The following DCDC2C variants were observed in gnomAD, a reference collection of about 807,000 sequenced individuals.
DCDC2C encodes doublecortin domain containing 2C, also known as doublecortin domain-containing protein 2C.
Under a neutral mutation model 45.0 loss-of-function variants are expected in DCDC2C, and 44 were observed. The ratio of observed to expected loss-of-function variants is 0.98; its 90% confidence interval spans 0.77 to 1.26. The LOEUF is 1.26. Among genes scored for constraint, DCDC2C ranks in the 50% most tolerant of loss-of-function variants. The pLI, the probability that DCDC2C is intolerant of heterozygous loss-of-function variation, is 0.00. For synonymous variants in DCDC2C, 187 were observed against 178.8 expected, an observed-to-expected ratio of 1.05 and a Z score of -0.37; for missense variants, 447 against 468.9, an observed-to-expected ratio of 0.95 and a Z score of 0.43.
At chr2:3,762,564 G>C (rs1213674051) in intron 6 of DCDC2C, among the ~76,000 whole-genome samples, 1 of 152,044 alleles carries the variant, frequency 6.6e-6, no homozygotes, top group African/African-American at 2.4e-5. Flanking sequence ...TGTCTCACAT[G>C]GCAAACACAG....
intron 6 of DCDC2C, among the ~76,000 whole-genome samples, chr2:3,764,301 G>A (rs992931239): frequency 8.5e-5 from 13 of 152,154 alleles, no homozygotes; most frequent in East Asian, 1.9e-4. Flanking sequence ...GTTAGATTAC[G>A]TTTTCCCTTT....
intron 10 of DCDC2C, among the ~76,000 whole-genome samples, chr2:3,813,360 C>A (rs1284779595): frequency 6.6e-6 from 1 of 152,084 alleles, no homozygotes; most frequent in Non-Finnish European, 1.5e-5. Flanking sequence ...AGCCACCAGG[C>A]CTGGCCAAAG....
At chr2:3,707,254 G>GT (rs1311491637) in intron 1 of DCDC2C, among the ~76,000 whole-genome samples, 1 of 151,990 alleles carries the variant, frequency 6.6e-6, no homozygotes, top group African/African-American at 2.4e-5. Context: ...AGTATTTTGT[G>GT]TTTTTGTAGG....
intron 4 of DCDC2C, among the ~76,000 whole-genome samples, chr2:3,746,061 G>A (rs1669351649): frequency 6.6e-6 from 1 of 152,168 alleles, no homozygotes; most frequent in African/African-American, 2.4e-5. Flanking sequence ...GCTGATCTCG[G>A]TTGGAAAAAG....
At position 3,752,905 on chromosome 2, in the gene DCDC2C, G is replaced by A. The variant is rs1266350587; in HGVS notation, c.683+5G>A. 9 of 1,549,990 alleles carry A rather than the reference G, an allele frequency of 5.8e-6. No homozygotes were observed. The highest frequency in any genetic ancestry group is 7.8e-6 in the Non-Finnish European group (9 of 1,146,770). ...GGTGCCCAGTGAGGTCCAACAGTGA[G>A]CATGCTTCGTACCTTTCTTTCCTGA... On this transcript the variant is annotated splice_donor_5th_base_variant and intron_variant, in intron 5 of 10. Transcript: ENST00000399143.
chr2:3,775,968 G>T (rs891923759), intron 8 of DCDC2C, among the ~76,000 whole-genome samples: 1 of 140,146 alleles, frequency 7.1e-6, no homozygotes, highest in Non-Finnish European at 1.6e-5. Flanking sequence ...GGCAGCTGTC[G>T]CTGTGGGCTA....
At chr2:3,789,951 T>A (rs770299368) in intron 10 of DCDC2C, among the ~76,000 whole-genome samples, 9 of 152,242 alleles carry the variant, frequency 5.9e-5, no homozygotes, top group Non-Finnish European at 1.2e-4. Context: ...ATTAACGTTG[T>A]GTGCTGTTGC....
intron 10 of DCDC2C, among the ~76,000 whole-genome samples, chr2:3,815,180 G>A (rs1572637464): frequency 6.6e-6 from 1 of 152,216 alleles, no homozygotes. Flanking sequence ...TCACAAGTGG[G>A]ATCTTCTGAT....
At chr2:3,821,766 G>A (rs886095934) in intron 10 of DCDC2C, among the ~76,000 whole-genome samples, 24 of 152,368 alleles carry the variant, frequency 1.6e-4, no homozygotes, top group African/African-American at 5.8e-4. Context: ...TTTATCCAAG[G>A]AGGCCTGGTT....
At chr2:3,764,498 G>A (rs1175155818) in intron 6 of DCDC2C, among the ~76,000 whole-genome samples, 1 of 152,232 alleles carries the variant, frequency 6.6e-6, no homozygotes, top group Non-Finnish European at 1.5e-5. Flanking sequence ...GGAGGAAAGA[G>A]CATATTTGTA....
At position 3,713,396 on chromosome 2, in the gene DCDC2C, G is replaced by A. The variant is rs143596612; in HGVS notation, c.339+4796G>A. Reference sequence around the variant, plus strand: ...TCTCCATGATCCATGCGAGGGGCTGGGGGAGCTTCCATAGGAAGAGCACCA... The same window carrying A: ...TCTCCATGATCCATGCGAGGGGCTGAGGGAGCTTCCATAGGAAGAGCACCA... On this transcript the variant is annotated intron_variant, in intron 2 of 10. Transcript: ENST00000399143. Among the ~76,000 whole-genome samples, 317 of 152,246 alleles carry A rather than the reference G, an allele frequency of 2.1e-3. 1 individual carries two copies. The highest frequency in any genetic ancestry group is 7.1e-3 in the African/African-American group (294 of 41,544).
chr2:3,745,876 ATTTTT>A (rs200784470), intron 4 of DCDC2C, among the ~76,000 whole-genome samples: 2 of 142,152 alleles, frequency 1.4e-5, no homozygotes. Context: ...CTCATGACTA[ATTTTT>A]TTTTTTTTTT....
chr2:3,794,457 T>C (rs2148193827), intron 10 of DCDC2C, among the ~76,000 whole-genome samples: 1 of 152,326 alleles, frequency 6.6e-6, no homozygotes, highest in South Asian at 2.1e-4. Context: ...GCTGGTGCGC[T>C]GCACCCATTA....
At chr2:3,766,310 GCACACACACA>G (rs61471003) in intron 6 of DCDC2C, among the ~76,000 whole-genome samples, 269 of 146,150 alleles carry the variant, frequency 1.8e-3, no homozygotes, top group African/African-American at 6.3e-3. Context: ...ACACACACAC[GCACACACACA>G]CACACACACA....
intron 10 of DCDC2C, among the ~76,000 whole-genome samples, chr2:3,841,026 G>A (rs1337307679): frequency 3.3e-5 from 5 of 152,218 alleles, no homozygotes; most frequent in Admixed American, 2.6e-4. Flanking sequence ...AGATTTTGGC[G>A]TACCGTACGG....
At chr2:3,836,046 A>G (rs1188613416) in intron 10 of DCDC2C, among the ~76,000 whole-genome samples, 1 of 152,108 alleles carries the variant, frequency 6.6e-6, no homozygotes, top group Non-Finnish European at 1.5e-5. Flanking sequence ...GGCCAGCCAA[A>G]ATCATTGATT....
chr2:3,752,712 A>G (rs1443404841), intron 4 of DCDC2C, 51 bp from the exon 5 acceptor site: 9 of 1,543,722 alleles, frequency 5.8e-6, no homozygotes, highest in Admixed American at 2.0e-5. Flanking sequence ...CCCAAGCCCT[A>G]TGCTACTGGT....
At chr2:3,794,835 G>T (rs1268556931) in intron 10 of DCDC2C, among the ~76,000 whole-genome samples, 3 of 152,158 alleles carry the variant, frequency 2.0e-5, no homozygotes, top group Non-Finnish European at 2.9e-5. Flanking sequence ...ACGTGTGCAT[G>T]TGTCTTTATA....
At chr2:3,754,723 C>T (rs190262518) in intron 6 of DCDC2C, 89 bp downstream of exon 6, 99 of 1,193,028 alleles carry the variant, frequency 8.3e-5, no homozygotes, top group Non-Finnish European at 1.1e-4. Flanking sequence ...GGTGACGGCC[C>T]GAGCTGTAAA....
Sources: allele counts gnomAD v4.1 joint callset (sites outside exome capture counted in the v4.1 genomes callset), GRCh38; gene constraint gnomAD v4.1.1; transcripts MANE v1.5; gene names NCBI Gene and HGNC (gene_info 2026-07-23, HGNC 2026-07-21).